Variants in GFRA3 observed in about 807,000 individuals in gnomAD.
GFRA3 encodes the protein GDNF family receptor alpha 3.
In GFRA3, 24 loss-of-function variants were observed where a neutral mutation model predicts 40.0. The observed-to-expected ratio is 0.60, with a 90% CI of 0.43 to 0.84. The LOEUF is 0.84. Ranked by LOEUF, GFRA3 falls within the 40% of genes least tolerant of loss-of-function variation. The probability of loss-of-function intolerance (pLI) is 0.00; values close to 1 mark genes in which losing one functional copy is unlikely to be tolerated. For missense variants in GFRA3, 405 were observed against 530.6 expected (o/e 0.76, Z 2.33); for synonymous variants, 203 against 213.5 (o/e 0.95, Z 0.43).
In GFRA3 at chr5:138,271,892, GTT is replaced by G. The variant is rs772736464; in HGVS notation, c.91+2440_91+2441del. On this transcript the variant is annotated intron_variant, in intron 1 of 7. Coordinates refer to ENST00000274721, the MANE Select transcript of GFRA3 (RefSeq NM_001496.4). ...CATTCCCGGCAGTATTTTCTTTTCT[GTT>G]TTTTTTTTTTTTTTTTTTTTGTGTG... 6.4e-4 allele frequency among the ~76,000 whole-genome samples: 38 copies of G among 59,678 alleles called. 2 individuals are homozygous for G. Among genetic ancestry groups the G allele is most frequent in the South Asian group, 1.8e-3 (3 of 1,702 alleles). The allele number at this position is 59,678 out of a possible 152,430, so 39.2% of individuals were successfully genotyped here.
chr5:138,253,570 A>C (rs1755582249), intron 6 of GFRA3, among the ~76,000 whole-genome samples, 195 bp from the exon 7 acceptor site: 1 of 152,184 alleles, frequency 6.6e-6, no homozygotes, highest in Admixed American at 6.5e-5. Context: ...CAGGTTGAAC[A>C]GGCAGCGTGG....
At chr5:138,264,212 C>A in intron 2 of GFRA3, 49 bp downstream of exon 2, 2 of 1,445,788 alleles carry the variant, frequency 1.4e-6, no homozygotes, top group Non-Finnish European at 1.9e-6. Context: ...AAAACAACCC[C>A]CAAGAGCCAT....
chr5:138,274,081 A>G (rs527397229), intron 1 of GFRA3, among the ~76,000 whole-genome samples: 4 of 152,144 alleles, frequency 2.6e-5, no homozygotes, highest in South Asian at 4.2e-4. Context: ...AAGAGGGGGG[A>G]AAAAGGGGCG....
chr5:138,271,637 C>T (rs1214324056), intron 1 of GFRA3, among the ~76,000 whole-genome samples: 4 of 150,332 alleles, frequency 2.7e-5, no homozygotes, highest in African/African-American at 7.5e-5. Context: ...GTGGTACAAT[C>T]GCCACTCACT....
intron 2 of GFRA3, among the ~76,000 whole-genome samples, chr5:138,263,364 T>C (rs1188148356): frequency 3.9e-5 from 6 of 152,152 alleles, no homozygotes; most frequent in Non-Finnish European, 8.8e-5. Flanking sequence ...ACTTTGACAA[T>C]GGTAGATTGT....
chr5:138,261,790 G>C (rs1282148573), intron 2 of GFRA3, among the ~76,000 whole-genome samples: 1 of 150,572 alleles, frequency 6.6e-6, no homozygotes, highest in Non-Finnish European at 1.5e-5. Context: ...AAAATGCTTT[G>C]AGTGATAAGG....
At position 138,264,744 on chromosome 5, in the gene GFRA3, G is replaced by A. The variant is rs533518784; in HGVS notation, c.92-196C>T. 3.3e-5 allele frequency among the ~76,000 whole-genome samples: 5 copies of A among 152,280 alleles called. No homozygotes were observed. The South Asian group carries it at 1.0e-3, about 32-fold the overall frequency. ...TGGATAGTCTGCAGCTGCCACAGTCGGGACAGAACAGACCAGGCCCAACAA... is the reference window on the plus strand; with the variant it reads ...TGGATAGTCTGCAGCTGCCACAGTCAGGACAGAACAGACCAGGCCCAACAA... On this transcript the variant is annotated intron_variant, in intron 1 of 7. Coordinates refer to ENST00000274721, the MANE Select transcript of GFRA3 (RefSeq NM_001496.4).
chr5:138,256,186 G>A (rs10053541), intron 4 of GFRA3, among the ~76,000 whole-genome samples: 43,713 of 145,056 alleles, frequency 0.3, 7,402 homozygotes, highest in South Asian at 0.42. Flanking sequence ...AGCCGAGATC[G>A]CACCACTGCA....
In GFRA3 at chr5:138,274,484, C is replaced by A; in HGVS notation, c.-60G>T. 8.0e-7 allele frequency: 1 copy of A among 1,250,226 alleles called. No homozygotes were observed. Among genetic ancestry groups the A allele is most frequent in the Non-Finnish European group, 1.0e-6 (1 of 996,174 alleles). The allele number at this position is 1,250,226 out of a possible 1,614,324, so 77.4% of individuals were successfully genotyped here. Reference sequence around the variant, plus strand: ...CGCTCCTCCCCTGGAGCTCTGAGAGCGGGGCTCCCTCGACCGGCACCTCCC... The same window carrying A: ...CGCTCCTCCCCTGGAGCTCTGAGAGAGGGGCTCCCTCGACCGGCACCTCCC... On this transcript the variant is annotated 5_prime_UTR_variant, in exon 1 of 8. Transcript: ENST00000274721.
rs553430654 is a variant in GFRA3, at chr5:138,255,578, A to G, written c.786-1418T>C. On this transcript the variant is annotated intron_variant, in intron 4 of 7. Transcript: ENST00000274721. ...TACTAGTAGCAGCACATCCTAAGTA[A>G]TAACTACATTAGTGCACAAAGATTA... Among the ~76,000 whole-genome samples, 3 of 152,272 alleles carry G rather than the reference A, an allele frequency of 2.0e-5. 1 individual carries two copies. Among genetic ancestry groups the G allele is most frequent in the Middle Eastern group, 6.8e-3 (2 of 294 alleles).
rs1755592723 is a variant in GFRA3 at position 138,254,136 on chromosome 5, G to C, written c.810C>G (p.Thr270=). The change falls in exon 5 of 8, where the codon ACC becomes ACG. Residue 270 remains threonine, a synonymous_variant. Transcript: ENST00000274721. ...CTAGGATGTCCATGGGATGGCAGTG[G>C]GTCTGGAAATCCACCAGGCGTGATC... The part of the protein sequence containing the change: ...LCRSRLVDFQ[T]HCHPMDILGT... 1 of 1,608,570 alleles carries C rather than the reference G, an allele frequency of 6.2e-7. No individual in the cohort carries two copies.
At chr5:138,260,942 GC>G (rs1431525715) in intron 2 of GFRA3, among the ~76,000 whole-genome samples, 1 of 151,238 alleles carries the variant, frequency 6.6e-6, no homozygotes, top group Non-Finnish European at 1.5e-5. Flanking sequence ...GATCACTTGA[GC>G]CCAGGAGGTT....
chr5:138,274,288 T>TC, intron 1 of GFRA3, 46 bp downstream of exon 1: 1 of 1,316,884 alleles, frequency 7.6e-7, no homozygotes, highest in Non-Finnish European at 9.7e-7. Flanking sequence ...ACACCTCACC[T>TC]CCCCCTCCCA....
At chr5:138,255,913 A>AAAG (rs1188647006) in intron 4 of GFRA3, among the ~76,000 whole-genome samples, 63 of 143,884 alleles carry the variant, frequency 4.4e-4, no homozygotes, top group Admixed American at 7.2e-4. Flanking sequence ...AAAAAAAAAA[A>AAAG]AAGAAGAAGA....
chr5:138,256,630 A>G (rs150651151), intron 4 of GFRA3, among the ~76,000 whole-genome samples: 23 of 152,144 alleles, frequency 1.5e-4, no homozygotes, highest in African/African-American at 5.3e-4. Flanking sequence ...GCATCCATAC[A>G]TGGAATATAA....
At chr5:138,254,213 T>A in intron 4 of GFRA3, 53 bp from the exon 5 acceptor site, 124 of 892,902 alleles carry the variant, frequency 1.4e-4, no homozygotes, top group Non-Finnish European at 2.1e-4. Flanking sequence ...TGAGATGATG[T>A]CTCACTCTCT....
rs750232649 is a variant in GFRA3 at position 138,257,751 on chromosome 5, G to A, written c.673C>T (p.Arg225Trp). ...LLLCPCAPND[R>W]GCGERRRNTI... ...TTGCGCCGGCGCTCCCCGCAGCCCC[G>A]GTCGTTGGGGGCACATGGGCACAGT... The change falls in exon 4 of 8, where the codon CGG (arginine) becomes TGG (tryptophan). Residue 225 changes from arginine to tryptophan, a missense_variant. Transcript: ENST00000274721. The A allele has an allele frequency of 8.1e-6, 13 of 1,609,876 alleles. No homozygotes were observed. In the African/African-American group the frequency reaches 1.5e-4, roughly 18 times the overall value.
intron 1 of GFRA3, among the ~76,000 whole-genome samples, chr5:138,271,909 T>G (rs1006312224): frequency 0.13 from 12,425 of 98,572 alleles, 692 homozygotes; most frequent in Non-Finnish European, 0.17. Context: ...TTTTTTTTTT[T>G]TTTTTGTGTG....
At chr5:138,262,548 A>T (rs754822019) in intron 2 of GFRA3, among the ~76,000 whole-genome samples, 1 of 151,692 alleles carries the variant, frequency 6.6e-6, no homozygotes, top group Non-Finnish European at 1.5e-5. Flanking sequence ...AACCTCCTGG[A>T]CTCAAGTGAT....
Sources: allele counts gnomAD v4.1 joint callset (sites outside exome capture counted in the v4.1 genomes callset), GRCh38; gene constraint gnomAD v4.1.1; transcripts MANE v1.5; gene names NCBI Gene and HGNC (gene_info 2026-07-23, HGNC 2026-07-21).